SMCO4: variants seen among roughly 807,000 people sequenced by gnomAD.
SMCO4 encodes single-pass membrane and coiled-coil domain-containing protein 4.
A neutral mutation model predicts 3.6 loss-of-function variants in SMCO4; 4 were observed. The observed-to-expected ratio is 1.11, with a 90% CI of 0.54 to 2.53. The LOEUF (loss-of-function observed/expected upper bound fraction) is 2.53. Ranked by LOEUF, SMCO4 falls within the 30% of genes most tolerant of loss-of-function variation. The pLI is 0.02. For missense variants in SMCO4, 70 were observed against 80.8 expected, an observed-to-expected ratio of 0.87 and a Z score of 0.51; for synonymous variants, 36 against 35.3, an observed-to-expected ratio of 1.02 and a Z score of -0.07.
chr11:93,502,645 A>G (rs948956235), intron 1 of SMCO4, among the ~76,000 whole-genome samples: 1 of 152,240 alleles, frequency 6.6e-6, no homozygotes, highest in African/African-American at 2.4e-5. Context: ...TAAGTGGCTT[A>G]AAACTATACA....
At chr11:93,528,624 C>T (rs950405800) in intron 1 of SMCO4, among the ~76,000 whole-genome samples, 2 of 116,894 alleles carry the variant, frequency 1.7e-5, no homozygotes, top group Non-Finnish European at 1.8e-5. Context: ...TCCAGGAGCT[C>T]GCACTGTGAC....
chr11:93,500,443 T>G (rs1359086297), intron 1 of SMCO4, among the ~76,000 whole-genome samples: 4 of 152,190 alleles, frequency 2.6e-5, no homozygotes, highest in Admixed American at 2.6e-4. Flanking sequence ...TATTTTTCCA[T>G]TAGTTCCTGA....
intron 1 of SMCO4, among the ~76,000 whole-genome samples, chr11:93,515,706 G>A (rs1362910294): frequency 6.6e-6 from 1 of 152,218 alleles, no homozygotes; most frequent in Non-Finnish European, 1.5e-5. Context: ...GGTCACTGCA[G>A]CTTCACGTTC....
chr11:93,521,836 C>T (rs905423022), intron 1 of SMCO4, among the ~76,000 whole-genome samples: 1 of 152,176 alleles, frequency 6.6e-6, no homozygotes, highest in Non-Finnish European at 1.5e-5. Context: ...CCAAGGACTT[C>T]GCAATCTAGC....
chr11:93,538,512 G>A (rs903175421), intron 1 of SMCO4, among the ~76,000 whole-genome samples: 4 of 152,174 alleles, frequency 2.6e-5, no homozygotes, highest in South Asian at 2.1e-4. Context: ...CATTCTCTGC[G>A]ATGCTCCTGG....
At chr11:93,498,633 T>C (rs1031580843) in intron 2 of SMCO4, among the ~76,000 whole-genome samples, 1 of 152,198 alleles carries the variant, frequency 6.6e-6, no homozygotes, top group Non-Finnish European at 1.5e-5. Context: ...ATACAAAAGC[T>C]TTGCTATTAG....
Position 93,526,300 on chromosome 11 carries a change from T to TAA in SMCO4, c.-154+16974_-154+16975dup, listed in dbSNP as rs34555224. Among the ~76,000 whole-genome samples the TAA allele has an allele frequency of 4.1e-3, 590 of 144,372 alleles. 21 individuals carry two copies. In the East Asian group the frequency reaches 0.07, roughly 17 times the overall value. 94.7% of individuals were successfully genotyped at this position (144,372 alleles called of 152,430 possible). A position where few individuals can be genotyped will look rare whatever the true frequency, so the allele number is the denominator to read the frequency against. ...AGAACAGAAACAGACAAATATTTGC[T>TAA]AAAAAAAAAAAAAAATTAGGAAGAC... On this transcript the variant is annotated intron_variant, in intron 1 of 2. Transcript: ENST00000298966.
At chr11:93,543,965 T>C (rs1158075796), upstream of SMCO4, among the ~76,000 whole-genome samples, 1 of 152,176 alleles carries the variant, frequency 6.6e-6, no homozygotes, top group Non-Finnish European at 1.5e-5. Flanking sequence ...CAGCTCAGCA[T>C]AAATAAATGA....
At chr11:93,490,905 A>T (rs1948707184) in intron 2 of SMCO4, among the ~76,000 whole-genome samples, 1 of 152,252 alleles carries the variant, frequency 6.6e-6, no homozygotes, top group South Asian at 2.1e-4. Flanking sequence ...CAGAAATCAT[A>T]TCAAACAGAT....
intron 2 of SMCO4, among the ~76,000 whole-genome samples, chr11:93,490,351 C>T (rs990667233): frequency 2.6e-5 from 4 of 152,164 alleles, no homozygotes; most frequent in Admixed American, 2.0e-4. Context: ...ACTAAATAAA[C>T]GTGAAGTAAC....
intron 1 of SMCO4, among the ~76,000 whole-genome samples, chr11:93,506,507 C>T (rs1460931468): frequency 1.3e-5 from 2 of 150,728 alleles, no homozygotes; most frequent in African/African-American, 2.4e-5. Flanking sequence ...GGCACGATCT[C>T]GGCTCACTGC....
intron 1 of SMCO4, among the ~76,000 whole-genome samples, chr11:93,530,014 C>T (rs770003663): frequency 2.0e-5 from 3 of 152,254 alleles, no homozygotes; most frequent in Non-Finnish European, 4.4e-5. Context: ...CCCACATTTT[C>T]AAGGCCAAAT....
intron 2 of SMCO4, among the ~76,000 whole-genome samples, chr11:93,497,122 G>A (rs191994084): frequency 6.6e-6 from 1 of 152,228 alleles, no homozygotes; most frequent in East Asian, 1.9e-4. Context: ...TATTATGATG[G>A]TTCTATTTTC....
At chr11:93,553,576 A>G in the SMCO4 span, among the ~76,000 whole-genome samples, 1 of 152,202 alleles carries the variant, frequency 6.6e-6, no homozygotes, top group African/African-American at 2.4e-5. Context: ...TCAAAACATA[A>G]TTTACACCTT....
chr11:93,528,605 G>A (rs995107719), intron 1 of SMCO4, among the ~76,000 whole-genome samples: 91 of 151,342 alleles, frequency 6.0e-4, no homozygotes, highest in African/African-American at 2.1e-3. Context: ...GCCTAAACCG[G>A]CTCTACCTTC....
Position 93,512,394 on chromosome 11 carries a change from G to A in SMCO4, c.-153-13046C>T, listed in dbSNP as rs78271038. On this transcript the variant is annotated intron_variant, in intron 1 of 2. Coordinates refer to ENST00000298966, the MANE Select transcript of SMCO4 (RefSeq NM_020179.3). ...CTGGCATAAGCATACCTACTGCACT[G>A]CCACATAAAGAGTGTACAATGATGT... Among the ~76,000 whole-genome samples, 1,062 of 152,260 alleles carry A rather than the reference G, an allele frequency of 7.0e-3. 16 individuals carry two copies. Among genetic ancestry groups the A allele is most frequent in the African/African-American group, 0.025 (1,027 of 41,542 alleles).
Position 93,527,369 on chromosome 11 carries a change from G to A in SMCO4, c.-154+15907C>T, listed in dbSNP as rs118065765. Among the ~76,000 whole-genome samples, 101 of 152,168 alleles carry A rather than the reference G, an allele frequency of 6.6e-4. 1 individual carries two copies. In the East Asian group the frequency reaches 0.014, roughly 22 times the overall value. ...TAGCTTTGTTTCTGTAAGTCTCAGC[G>A]TCCTCATTTATCACATAAGGGGTTC... is the stretch of plus-strand genomic sequence containing the variant. On this transcript the variant is annotated intron_variant, in intron 1 of 2. Transcript: ENST00000298966.
intron 2 of SMCO4, among the ~76,000 whole-genome samples, chr11:93,481,983 G>A (rs984418722): frequency 1.3e-5 from 2 of 152,226 alleles, no homozygotes; most frequent in African/African-American, 4.8e-5. Flanking sequence ...GACATTCAAA[G>A]GCCCCAGCCT....
chr11:93,480,319 A>G (rs997526400), intron 2 of SMCO4, among the ~76,000 whole-genome samples: 1 of 152,150 alleles, frequency 6.6e-6, no homozygotes, highest in Non-Finnish European at 1.5e-5. Flanking sequence ...AGCACTGGAC[A>G]TGGGCACTGG....
Sources: allele counts gnomAD v4.1 joint callset (sites outside exome capture counted in the v4.1 genomes callset), GRCh38; gene constraint gnomAD v4.1.1; transcripts MANE v1.5; gene names NCBI Gene and HGNC (gene_info 2026-07-23, HGNC 2026-07-21).